CUX1: variants seen among roughly 807,000 people sequenced by gnomAD.
The protein encoded by CUX1 is cut like homeobox 1, also known as protein CASP.
CUX1 carries 31 observed loss-of-function variants against 158.8 expected under a neutral mutation model. That is an observed-to-expected ratio of 0.20 (90% CI 0.15 to 0.26). The LOEUF (loss-of-function observed/expected upper bound fraction) is 0.26, where lower values mean the gene tolerates loss of function less well. Ranked by LOEUF, CUX1 falls within the 10% of genes least tolerant of loss-of-function variation. The probability of loss-of-function intolerance (pLI) is 1.00; values close to 1 mark genes in which losing one functional copy is unlikely to be tolerated. For synonymous variants in CUX1, 879 were observed against 862.1 expected, an observed-to-expected ratio of 1.02 and a Z score of -0.34; for missense variants, 1,589 against 2,014.6, an observed-to-expected ratio of 0.79 and a Z score of 4.04.
chr7:101,889,262 A>G (rs1800589904), intron 1 of CUX1, among the ~76,000 whole-genome samples: 1 of 118,826 alleles, frequency 8.4e-6, no homozygotes. Flanking sequence ...CTGTCTCAAA[A>G]AAAAAAAAAA....
chr7:102,244,682 C>T (rs1554536274), intron 23 of CUX1, among the ~76,000 whole-genome samples: 1 of 151,878 alleles, frequency 6.6e-6, no homozygotes, highest in East Asian at 1.9e-4. Flanking sequence ...AGAGCAAGAC[C>T]CTGTCCCCCA....
At chr7:102,117,860 C>T (rs1383047946) in intron 8 of CUX1, among the ~76,000 whole-genome samples, 1 of 152,156 alleles carries the variant, frequency 6.6e-6, no homozygotes, top group Non-Finnish European at 1.5e-5. Flanking sequence ...GATGGGGCAG[C>T]CTGGTGGGGC....
intron 7 of CUX1, among the ~76,000 whole-genome samples, chr7:102,114,398 C>A (rs557345621): frequency 6.6e-6 from 1 of 152,194 alleles, no homozygotes; most frequent in Non-Finnish European, 1.5e-5. Context: ...GCCTTATCCT[C>A]CCAAGTAGCC....
At chr7:102,123,504 G>T (rs1256407385) in intron 8 of CUX1, among the ~76,000 whole-genome samples, 1 of 150,924 alleles carries the variant, frequency 6.6e-6, no homozygotes, top group African/African-American at 2.4e-5. Context: ...AGCTACTCGG[G>T]AGGCTGAGGC....
At position 102,252,224 on chromosome 7, in the gene CUX1, G is replaced by A. The variant is rs1801589972; in HGVS notation, c.*3182G>A. 2.0e-6 allele frequency: 2 copies of A among 985,240 alleles called. No individual in the cohort carries two copies. The highest frequency in any genetic ancestry group is 6.2e-5 in the Admixed American group (1 of 16,254). 61.0% of individuals were successfully genotyped at this position (985,240 alleles called of 1,614,324 possible). ...TGCCACTAAAATAATACAGCAATCC[G>A]TGGCCAGGGGAGCACCCCCTCCTGG... is the stretch of plus-strand genomic sequence containing the variant. On this transcript the variant is annotated 3_prime_UTR_variant, in exon 24 of 24. Coordinates refer to ENST00000292535, the MANE Select transcript of CUX1 (RefSeq NM_181552.4).
intron 2 of CUX1, among the ~76,000 whole-genome samples, chr7:101,929,424 T>C (rs979708041): frequency 6.6e-6 from 1 of 152,156 alleles, no homozygotes; most frequent in African/African-American, 2.4e-5. Context: ...TAACTTGTCT[T>C]TCTGGTCAAT....
chr7:101,957,163 AAAGT>A (rs1563059286), intron 2 of CUX1, among the ~76,000 whole-genome samples: 1 of 152,236 alleles, frequency 6.6e-6, no homozygotes, highest in Non-Finnish European at 1.5e-5. Context: ...GATATCACCT[AAAGT>A]AAGAATTAAA....
intron 3 of CUX1, among the ~76,000 whole-genome samples, chr7:102,051,859 A>G (rs1374066764): frequency 2.0e-5 from 3 of 152,104 alleles, no homozygotes; most frequent in East Asian, 1.9e-4. Flanking sequence ...CTTTTAGTGT[A>G]TTCACCAAGT....
chr7:102,102,242 G>A (rs1554486697), intron 5 of CUX1, among the ~76,000 whole-genome samples: 4 of 85,310 alleles, frequency 4.7e-5, no homozygotes, highest in African/African-American at 2.8e-4. Context: ...CATGAAAAAG[G>A]CCAACCTCTT....
At chr7:101,924,215 C>T (rs571962907) in intron 2 of CUX1, among the ~76,000 whole-genome samples, 1 of 152,114 alleles carries the variant, frequency 6.6e-6, no homozygotes, top group South Asian at 2.1e-4. Context: ...GTTTTTCACT[C>T]TCGGTGAGAA....
At chr7:102,170,065 G>A (rs781916931) in intron 9 of CUX1, among the ~76,000 whole-genome samples, 2 of 152,158 alleles carry the variant, frequency 1.3e-5, no homozygotes, top group African/African-American at 2.4e-5. Flanking sequence ...CTGTTTACCC[G>A]TGAGAATTAC....
At position 102,281,644 on chromosome 7, in the gene CUX1, C is replaced by T. The variant is rs139194584; in HGVS notation, c.1822-196C>T. Among the ~76,000 whole-genome samples, 190 of 151,858 alleles carry T rather than the reference C, an allele frequency of 1.3e-3. 1 individual carries two copies. The highest frequency in any genetic ancestry group is 4.3e-3 in the African/African-American group (177 of 41,248). On this transcript the variant is annotated intron_variant, in intron 20 of 22. Transcript: ENST00000292538. ...CACCACTGCACTCCAGCCTGGGCGACAGAGGGAGACTCTGTCTCAAAAAAA... is the reference window on the plus strand; with the variant it reads ...CACCACTGCACTCCAGCCTGGGCGATAGAGGGAGACTCTGTCTCAAAAAAA...
intron 3 of CUX1, among the ~76,000 whole-genome samples, chr7:102,041,224 C>A (rs1157347452): frequency 6.8e-6 from 1 of 147,642 alleles, no homozygotes; most frequent in African/African-American, 2.5e-5. Context: ...TGGACGACCA[C>A]CTGCCAGGGA....
At chr7:102,061,023 C>A (rs1824810269) in intron 3 of CUX1, among the ~76,000 whole-genome samples, 1 of 146,208 alleles carries the variant, frequency 6.8e-6, no homozygotes, top group East Asian at 2.0e-4. Flanking sequence ...CTCCAGGGTT[C>A]CAGTGATTCT....
At chr7:102,074,961 C>T (rs1057100843) in intron 4 of CUX1, among the ~76,000 whole-genome samples, 1 of 152,162 alleles carries the variant, frequency 6.6e-6, no homozygotes, top group Non-Finnish European at 1.5e-5. Context: ...TGGGTTCAAG[C>T]GATTCTCGTG....
At chr7:101,870,708 G>T (rs1039922767) in intron 1 of CUX1, among the ~76,000 whole-genome samples, 4 of 152,192 alleles carry the variant, frequency 2.6e-5, no homozygotes, top group Non-Finnish European at 5.9e-5. Context: ...TTACAGAGCG[G>T]CAAACAACCT....
intron 1 of CUX1, among the ~76,000 whole-genome samples, chr7:101,838,127 CA>C (rs1459167718): frequency 1.3e-4 from 19 of 150,148 alleles, no homozygotes; most frequent in Non-Finnish European, 1.9e-4. Context: ...TCACTCGTCA[CA>C]TTTTTTTTTT....
chr7:101,887,039 G>A (rs1339832985), intron 1 of CUX1, among the ~76,000 whole-genome samples: 2 of 152,156 alleles, frequency 1.3e-5, no homozygotes, highest in Admixed American at 6.5e-5. Context: ...ACCAGGCACA[G>A]CGTGGGGCCC....
Position 102,112,784 on chromosome 7 carries a change from C to T in CUX1, c.607+1010C>T, listed in dbSNP as rs550940744. 5.9e-5 allele frequency among the ~76,000 whole-genome samples: 9 copies of T among 152,066 alleles called. 1 individual carries two copies. The highest frequency in any genetic ancestry group is 1.3e-4 in the Non-Finnish European group (9 of 67,998). On this transcript the variant is annotated intron_variant, in intron 7 of 23. Transcript: ENST00000292535. Reference sequence around the variant, plus strand: ...TGAGGTTTCACCACATTGGCCAGTCCGGTCTGTATCTCCTGAGCTCAAGTG... The same window carrying T: ...TGAGGTTTCACCACATTGGCCAGTCTGGTCTGTATCTCCTGAGCTCAAGTG...
Sources: gnomAD v4.1 joint callset for allele counts (sites outside exome capture counted in the v4.1 genomes callset) on GRCh38, gnomAD v4.1.1 for gene constraint, MANE v1.5 for transcripts, NCBI Gene and HGNC (gene_info 2026-07-23, HGNC 2026-07-21) for gene names.